Variants in SLC25A48 observed in about 807,000 individuals in gnomAD.
SLC25A48 encodes the protein CTC-321K16.1.
In SLC25A48, 29 loss-of-function variants were observed where a neutral mutation model predicts 32.2. That is an observed-to-expected ratio of 0.90 (90% confidence interval 0.67 to 1.23). The LOEUF is 1.23. SLC25A48 is among the 50% of genes most tolerant of loss of function. SLC25A48 has a pLI of 0.00. For missense variants in SLC25A48, 399 were observed against 422.7 expected (o/e 0.94, Z 0.49); for synonymous variants, 164 against 172.3 (o/e 0.95, Z 0.38).
At chr5:135,816,627 C>T (rs959985452) in intron 4 of SLC25A48, among the ~76,000 whole-genome samples, 1 of 152,114 alleles carries the variant, frequency 6.6e-6, no homozygotes, top group Non-Finnish European at 1.5e-5. Flanking sequence ...ACAGAGTAAC[C>T]ACTCAAATAA....
intron 3 of SLC25A48, among the ~76,000 whole-genome samples, chr5:135,734,744 G>A (rs1346799385): frequency 2.0e-5 from 3 of 151,374 alleles, no homozygotes. Context: ...GTGAACCTGG[G>A]AGGCGGAGCT....
intron 4 of SLC25A48, among the ~76,000 whole-genome samples, chr5:135,864,942 G>A (rs1316456797): frequency 6.6e-6 from 1 of 152,260 alleles, no homozygotes; most frequent in Admixed American, 6.5e-5. Flanking sequence ...GCTGCCTGCA[G>A]TTGGCAGGTC....
At chr5:135,788,152 G>A (rs894941274) in intron 3 of SLC25A48, among the ~76,000 whole-genome samples, 2 of 149,454 alleles carry the variant, frequency 1.3e-5, no homozygotes, top group African/African-American at 2.5e-5. Context: ...CATATGGTCC[G>A]TAATGTCCGG....
chr5:135,663,815 T>C (rs1284370159), intron 3 of SLC25A48, among the ~76,000 whole-genome samples: 1 of 152,100 alleles, frequency 6.6e-6, no homozygotes, highest in African/African-American at 2.4e-5. Flanking sequence ...TGGGAGTCCT[T>C]TTGGCCTCAC....
intron 3 of SLC25A48, among the ~76,000 whole-genome samples, chr5:135,797,589 A>T (rs1757218380): frequency 6.6e-6 from 1 of 151,916 alleles, no homozygotes; most frequent in Non-Finnish European, 1.5e-5. Context: ...TATTGCTGTC[A>T]GTATCCAGGG....
At chr5:135,627,267 GGGAGGAAGGAAGAAGCAGGGTATTTCT>G (rs529581532) in intron 1 of SLC25A48, among the ~76,000 whole-genome samples, 2 of 152,286 alleles carry the variant, frequency 1.3e-5, no homozygotes, top group South Asian at 4.1e-4. Context: ...ACTGGAGGGT[GGGAGGAAGGAAGAAGCAGGGTATTTCT>G]CCTCATGTCT....
At chr5:135,602,140 A>G (rs1751811659) in intron 1 of SLC25A48, among the ~76,000 whole-genome samples, 1 of 152,218 alleles carries the variant, frequency 6.6e-6, no homozygotes, top group Non-Finnish European at 1.5e-5. Context: ...AGCCTATAAC[A>G]TGGTGAGAAT....
chr5:135,783,756 T>C (rs1408203525), intron 3 of SLC25A48, among the ~76,000 whole-genome samples: 1 of 119,162 alleles, frequency 8.4e-6, no homozygotes, highest in African/African-American at 2.6e-5. Context: ...GAGGATAATA[T>C]TGCTTTCAAT....
rs1488458122 is a variant in SLC25A48 at position 135,822,951 on chromosome 5, G to A, written c.-117+10025G>A. ...AACTCAGCAAAGATGGCCCTGAGCT[G>A]GGTCTCTGGGACTTGGAGGAGGGGG... is the stretch of plus-strand genomic sequence containing the variant. On this transcript the variant is annotated intron_variant, in intron 4 of 10. Coordinates refer to the SLC25A48 transcript ENST00000646290. Among the ~76,000 whole-genome samples the A allele has an allele frequency of 3.2e-4, 49 of 152,084 alleles. 1 individual carries two copies. Among genetic ancestry groups the A allele is most frequent in the Non-Finnish European group, 7.4e-5 (5 of 68,018 alleles).
chr5:135,883,908 G>A (rs546836366), intron 7 of SLC25A48, among the ~76,000 whole-genome samples: 82 of 152,262 alleles, frequency 5.4e-4, no homozygotes, highest in African/African-American at 1.9e-3. Flanking sequence ...CTATTTTGCT[G>A]TTATGTGGCT....
chr5:135,656,315 G>A (rs1753247289), intron 3 of SLC25A48, among the ~76,000 whole-genome samples: 1 of 152,158 alleles, frequency 6.6e-6, no homozygotes, highest in Non-Finnish European at 1.5e-5. Context: ...CCATCCTGAT[G>A]TGCTACTTGT....
intron 3 of SLC25A48, among the ~76,000 whole-genome samples, chr5:135,681,404 A>T (rs1210850178): frequency 1.3e-5 from 2 of 152,192 alleles, no homozygotes; most frequent in Admixed American, 6.5e-5. Context: ...TTACATCTAC[A>T]AGTTCAGTTG....
chr5:135,639,894 C>T (rs1449847459), intron 3 of SLC25A48, among the ~76,000 whole-genome samples: 1 of 152,070 alleles, frequency 6.6e-6, no homozygotes, highest in African/African-American at 2.4e-5. Flanking sequence ...GTGAGGAATA[C>T]AACAAAAATT....
intron 1 of SLC25A48, among the ~76,000 whole-genome samples, chr5:135,840,914 C>T (rs559854746): frequency 6.6e-6 from 1 of 152,188 alleles, no homozygotes; most frequent in East Asian, 1.9e-4. Flanking sequence ...TATCTGTTTT[C>T]TGTTATTGGG....
In SLC25A48 at chr5:135,871,615, T is replaced by C; in HGVS notation, c.576T>C (p.Tyr192=). 3 of 1,614,208 alleles carry C rather than the reference T, an allele frequency of 1.9e-6. No homozygotes were observed. Among genetic ancestry groups the C allele is most frequent in the Non-Finnish European group, 2.5e-6 (3 of 1,180,024 alleles). ...TGCTGCTGAGGGATGTCCCAGGCTATTGCCTCTACTTCATCCCCTACGTGT... is the reference window on the plus strand; with the variant it reads ...TGCTGCTGAGGGATGTCCCAGGCTACTGCCTCTACTTCATCCCCTACGTGT... ...SAMLLRDVPG[Y]CLYFIPYVFL... is the part of the protein sequence containing the mutation. Residue 192 remains tyrosine (Y), a synonymous_variant, in exon 5 of 8, where the codon TAT becomes TAC. Transcript: ENST00000681962.
At chr5:135,763,976 A>G (rs912865547) in intron 3 of SLC25A48, among the ~76,000 whole-genome samples, 1 of 152,122 alleles carries the variant, frequency 6.6e-6, no homozygotes, top group Non-Finnish European at 1.5e-5. Flanking sequence ...GGGTTCAAGC[A>G]ATTCTCCTGC....
At chr5:135,748,368 G>A (rs564016713) in intron 3 of SLC25A48, among the ~76,000 whole-genome samples, 8 of 152,088 alleles carry the variant, frequency 5.3e-5, no homozygotes, top group Non-Finnish European at 1.2e-4. Flanking sequence ...CCGCCTCCTG[G>A]GTGCAAGCGA....
intron 3 of SLC25A48, among the ~76,000 whole-genome samples, chr5:135,812,363 T>G (rs1455892162): frequency 1.3e-5 from 2 of 152,230 alleles, no homozygotes; most frequent in Non-Finnish European, 2.9e-5. Flanking sequence ...AATGAATTAT[T>G]GTTGACTGTA....
intron 3 of SLC25A48, among the ~76,000 whole-genome samples, chr5:135,713,514 C>T (rs1754719382): frequency 6.6e-6 from 1 of 152,106 alleles, no homozygotes; most frequent in Admixed American, 6.6e-5. Flanking sequence ...CCAAAAGAGA[C>T]AGGACACGGG....
Sources: gnomAD v4.1 joint callset for allele counts (sites outside exome capture counted in the v4.1 genomes callset) on GRCh38, gnomAD v4.1.1 for gene constraint, MANE v1.5 for transcripts, NCBI Gene and HGNC (gene_info 2026-07-23, HGNC 2026-07-21) for gene names.